FANCA: variants seen among roughly 807,000 people sequenced by gnomAD.
FANCA encodes Fanconi anemia group A protein.
In FANCA, 236 loss-of-function variants were observed where a neutral mutation model predicts 194.3. The observed-to-expected ratio is 1.21, with a 90% CI of 1.09 to 1.35. The LOEUF (loss-of-function observed/expected upper bound fraction) is 1.35. Among genes scored for constraint, FANCA ranks in the 40% most tolerant of loss-of-function variants. The pLI is 0.00. For synonymous variants in FANCA, 1,014 were observed against 715.8 expected, an observed-to-expected ratio of 1.42 and a Z score of -6.65; for missense variants, 2,628 against 1,813.9, an observed-to-expected ratio of 1.45 and a Z score of -8.15.
At chr16:89,782,650 A>G (rs965965408) in intron 17 of FANCA, among the ~76,000 whole-genome samples, 3 of 152,188 alleles carry the variant, frequency 2.0e-5, no homozygotes, top group African/African-American at 7.2e-5. Context: ...TCTGCCACAC[A>G]GTAACCCTTT....
At chr16:89,759,534 G>A (rs1478086726) in intron 29 of FANCA, among the ~76,000 whole-genome samples, 1 of 151,886 alleles carries the variant, frequency 6.6e-6, no homozygotes, top group East Asian at 1.9e-4. Flanking sequence ...GCCAAGGTGG[G>A]AGGATCACTT....
intron 29 of FANCA, 79 bp from the exon 30 acceptor site, chr16:89,758,784 T>C (rs2038847665): frequency 1.1e-5 from 18 of 1,591,602 alleles, no homozygotes; most frequent in East Asian, 4.5e-5. Flanking sequence ...AATAGGCCCA[T>C]AGTAAGGGAC....
At chr16:89,808,012 C>A (rs187195635) in intron 6 of FANCA, among the ~76,000 whole-genome samples, 10 of 152,034 alleles carry the variant, frequency 6.6e-5, no homozygotes, top group African/African-American at 2.2e-4. Context: ...GAGCTGAAAT[C>A]GTGCCACTGC....
chr16:89,747,074 C>T (rs1176039777), intron 33 of FANCA, among the ~76,000 whole-genome samples, 184 bp from the exon 34 acceptor site: 2 of 152,176 alleles, frequency 1.3e-5, no homozygotes, highest in East Asian at 3.9e-4. Context: ...TGAAACTTAA[C>T]GGCTTCCCTG....
intron 12 of FANCA, 93 bp downstream of exon 12, chr16:89,792,378 T>C (rs2040105377): frequency 7.5e-7 from 1 of 1,340,474 alleles, no homozygotes; most frequent in Middle Eastern, 2.5e-4. Context: ...CCTCTCGATG[T>C]GCCGTCCACG....
intron 28 of FANCA, among the ~76,000 whole-genome samples, chr16:89,763,337 AG>A (rs1299535355): frequency 1.3e-5 from 2 of 152,140 alleles, no homozygotes; most frequent in East Asian, 3.9e-4. Context: ...ACATATTGGC[AG>A]GCCAAAGCAG....
intron 7 of FANCA, 97 bp from the exon 8 acceptor site, chr16:89,803,438 T>C (rs928742395): frequency 1.7e-6 from 2 of 1,158,634 alleles, no homozygotes; most frequent in African/African-American, 3.0e-5. Context: ...CGGGTGAGCA[T>C]ATGGCTTGGG....
chr16:89,770,075 A>G lies in FANCA; in HGVS notation c.2317-51T>C. On this transcript the variant is annotated intron_variant, in intron 25 of 42. Transcript: ENST00000389301. The stretch of plus-strand genomic sequence containing the variant: ...GCAGACTGCCCTCTTCCAAGCTGGA[A>G]TTTTCCAGGGCACTGAAGACGAATT... 3.1e-6 allele frequency: 5 copies of G among 1,596,648 alleles called. No individual in the cohort carries two copies. The South Asian group carries it at 4.5e-5, about 14-fold the overall frequency.
chr16:89,779,115 C>T lies in FANCA; in HGVS notation c.1716-112G>A, dbSNP rs965907547. ...ACTGCGAGGGCTCACTCCAAAGCCA[C>T]GATGCATTATGAAGTCTTCTTGTGC... On this transcript the variant is annotated intron_variant, in intron 18 of 42. Transcript: ENST00000389301. 4.1e-5 allele frequency: 39 copies of T among 961,882 alleles called. 1 individual carries two copies. In the Middle Eastern group the frequency reaches 1.6e-3, roughly 39 times the overall value. 59.6% of individuals were successfully genotyped at this position (961,882 alleles called of 1,614,324 possible).
At chr16:89,801,367 T>C (rs887908117) in intron 8 of FANCA, among the ~76,000 whole-genome samples, 2 of 140,132 alleles carry the variant, frequency 1.4e-5, no homozygotes, top group East Asian at 2.0e-4. Flanking sequence ...AAAAAGCCAA[T>C]GTCACTAATC....
In FANCA at chr16:89,745,750, A is replaced by G. The variant is rs532642947; in HGVS notation, c.3514-679T>C. ...GGGAACAAAACAGTGAAGGGACCAC[A>G]CTGCCCTGAGCTGGGAACGAAACAG... is the stretch of plus-strand genomic sequence containing the variant. On this transcript the variant is annotated intron_variant, in intron 35 of 42. Coordinates refer to ENST00000389301, the MANE Select transcript of FANCA (RefSeq NM_000135.4). Among the ~76,000 whole-genome samples the G allele has an allele frequency of 1.6e-3, 221 of 139,218 alleles. 9 individuals carry two copies. The highest frequency in any genetic ancestry group is 6.0e-3 in the African/African-American group (211 of 35,022). The allele number at this position is 139,218 out of a possible 152,430, so 91.3% of individuals were successfully genotyped here.
In FANCA at chr16:89,747,048, C is replaced by T. The variant is rs17227170; in HGVS notation, c.3349-158G>A. On this transcript the variant is annotated intron_variant, in intron 33 of 42. Coordinates refer to ENST00000389301, the MANE Select transcript of FANCA (RefSeq NM_000135.4). ...CTCCTGGGCTGACCGGGCCTGGCGC[C>T]CTGGCTGTGCTGTCCTGAAACTTAA... is the stretch of plus-strand genomic sequence containing the variant. Among the ~76,000 whole-genome samples the T allele has an allele frequency of 0.021, 3,195 of 152,306 alleles. 95 individuals are homozygous for T. Among genetic ancestry groups the T allele is most frequent in the African/African-American group, 0.067 (2,787 of 41,542 alleles).
At chr16:89,803,511 T>C (rs931471818) in intron 7 of FANCA, among the ~76,000 whole-genome samples, 170 bp from the exon 8 acceptor site, 2 of 152,224 alleles carry the variant, frequency 1.3e-5, no homozygotes, top group Non-Finnish European at 2.9e-5. Flanking sequence ...ACTGCTCACC[T>C]GACCACAGCT....
intron 30 of FANCA, among the ~76,000 whole-genome samples, chr16:89,754,704 C>T (rs889283496): frequency 6.6e-6 from 1 of 151,972 alleles, no homozygotes; most frequent in Admixed American, 6.6e-5. Context: ...CCTAAGGAAT[C>T]GATACAAAAA....
chr16:89,749,282 G>A (rs1481163088), intron 32 of FANCA, among the ~76,000 whole-genome samples: 1 of 152,142 alleles, frequency 6.6e-6, no homozygotes, highest in East Asian at 1.9e-4. Flanking sequence ...GCGTGATCTC[G>A]GCTCACTGAA....
rs1029407525 is a variant in FANCA, at chr16:89,805,196, C to G, written c.709+84G>C. Reference sequence around the variant, plus strand: ...GCCACGGAGAGACAGGCTGTTCTGCCTCGCAGAGCTCTTGAGAGCAGAAGG... The same window carrying G: ...GCCACGGAGAGACAGGCTGTTCTGCGTCGCAGAGCTCTTGAGAGCAGAAGG... On this transcript the variant is annotated intron_variant, in intron 7 of 42. Transcript: ENST00000389301. The G allele has an allele frequency of 5.7e-6, 6 of 1,055,078 alleles. No homozygotes were observed. The African/African-American group carries it at 9.4e-5, about 17-fold the overall frequency. The allele number at this position is 1,055,078 out of a possible 1,614,324, so 65.4% of individuals were successfully genotyped here.
intron 20 of FANCA, among the ~76,000 whole-genome samples, chr16:89,776,206 C>T (rs1286208529): frequency 1.6e-5 from 2 of 121,996 alleles, no homozygotes; most frequent in African/African-American, 3.0e-5. Context: ...CTCCCACTAT[C>T]ACCCACACTG....
intron 1 of FANCA, 146 bp from the exon 2 acceptor site, chr16:89,816,132 C>T (rs879431003): frequency 4.3e-6 from 3 of 704,596 alleles, no homozygotes; most frequent in Non-Finnish European, 7.7e-6. Context: ...GCGCAGGTCT[C>T]GGGAAACTAA....
chr16:89,740,150 T>C (rs1232163517), intron 38 of FANCA, 51 bp from the exon 39 acceptor site: 24 of 1,440,024 alleles, frequency 1.7e-5, no homozygotes, highest in Non-Finnish European at 2.2e-5. Flanking sequence ...GGTGCTCCCA[T>C]GGGTAGGAGG....
Sources: gnomAD v4.1 joint callset for allele counts (sites outside exome capture counted in the v4.1 genomes callset) on GRCh38, gnomAD v4.1.1 for gene constraint, MANE v1.5 for transcripts, NCBI Gene and HGNC (gene_info 2026-07-23, HGNC 2026-07-21) for gene names.